SHB: variants seen among roughly 807,000 people sequenced by gnomAD.
The protein encoded by SHB is SH2 domain-containing adapter protein B.
A neutral mutation model predicts 52.3 loss-of-function variants in SHB; 20 were observed. That is an observed-to-expected ratio of 0.38 (90% CI 0.27 to 0.56). SHB has a LOEUF of 0.56. Among genes scored for constraint, SHB ranks in the 20% least tolerant of loss-of-function variants. The probability of loss-of-function intolerance (pLI) is 0.71; values close to 1 mark genes in which losing one functional copy is unlikely to be tolerated. For missense variants in SHB, 825 were observed against 723.3 expected (o/e 1.14, Z -1.61); for synonymous variants, 397 against 316.5 (o/e 1.25, Z -2.70).
At chr9:38,004,670 C>T (rs1259551290) in intron 2 of SHB, among the ~76,000 whole-genome samples, 1 of 152,220 alleles carries the variant, frequency 6.6e-6, no homozygotes. Flanking sequence ...CTTGGAAGGC[C>T]CCCGACCTGG....
chr9:37,994,800 GT>G (rs933177745), intron 2 of SHB, among the ~76,000 whole-genome samples: 5 of 150,912 alleles, frequency 3.3e-5, no homozygotes, highest in African/African-American at 9.7e-5. Context: ...AAGACTTCTC[GT>G]TTTTTTTTCT....
chr9:37,919,443 A>C lies in SHB; in HGVS notation c.*378T>G. 5.0e-6 allele frequency: 1 copy of C among 199,800 alleles called. No homozygotes were observed. The highest frequency in any genetic ancestry group is 1.3e-4 in the East Asian group (1 of 7,602). 12.4% of individuals were successfully genotyped at this position (199,800 alleles called of 1,614,324 possible). A position where few individuals can be genotyped will look rare whatever the true frequency, so the allele number is the denominator to read the frequency against. On this transcript the variant is annotated 3_prime_UTR_variant, in exon 6 of 6. Coordinates refer to ENST00000377707, the MANE Select transcript of SHB (RefSeq NM_003028.3). ...AAACTTTGCCCTGTACAGAGGTGTG[A>C]ATTTGAGACAGCTGGAGAACAAAGA...
intron 3 of SHB, among the ~76,000 whole-genome samples, chr9:37,963,666 C>A (rs1316330279): frequency 1.3e-5 from 2 of 152,044 alleles, no homozygotes; most frequent in Non-Finnish European, 2.9e-5. Context: ...AGGTGGAGAG[C>A]CCAGAAGGCA....
At chr9:37,981,024 T>C (rs1820717552) in intron 2 of SHB, among the ~76,000 whole-genome samples, 1 of 152,244 alleles carries the variant, frequency 6.6e-6, no homozygotes, top group Admixed American at 6.5e-5. Context: ...GCATAATTCT[T>C]AAGGGCTCCA....
chr9:37,921,711 A>C (rs1832182411), intron 5 of SHB, among the ~76,000 whole-genome samples: 1 of 152,264 alleles, frequency 6.6e-6, no homozygotes, highest in East Asian at 1.9e-4. Context: ...TCTGAGAAGC[A>C]GGCGGCGCAC....
At chr9:37,948,549 G>C in intron 5 of SHB, 86 bp downstream of exon 5, 1 of 1,532,972 alleles carries the variant, frequency 6.5e-7, no homozygotes, top group Non-Finnish European at 8.9e-7. Context: ...GGGGACACTG[G>C]CGGGTTTTTC....
In SHB at chr9:38,068,311, A is replaced by C. The variant is rs746256744; in HGVS notation, c.335T>G (p.Leu112Arg). ...SLRKLRAMCRLDYCGGSGEPG... is the reference protein window; with the variant it reads ...SLRKLRAMCRRDYCGGSGEPG... ...CTCCCCGCTGCCGCCGCAGTAGTCCAGGCGGCACATGGCGCGCAGTTTGCG... is the reference window on the plus strand; with the variant it reads ...CTCCCCGCTGCCGCCGCAGTAGTCCCGGCGGCACATGGCGCGCAGTTTGCG... Residue 112 changes from leucine (L) to arginine (R), a missense_variant, in exon 1 of 6, where the codon CTG (leucine) becomes CGG (arginine). By Grantham distance (102) the Leu-to-Arg change is moderately radical. Coordinates refer to ENST00000377707, the MANE Select transcript of SHB (RefSeq NM_003028.3). 33 of 1,520,730 alleles carry C rather than the reference A, an allele frequency of 2.2e-5. No individual in the cohort carries two copies. The highest frequency in any genetic ancestry group is 2.8e-5 in the Non-Finnish European group (32 of 1,139,688). The allele number at this position is 1,520,730 out of a possible 1,614,324, so 94.2% of individuals were successfully genotyped here. A position where few individuals can be genotyped will look rare whatever the true frequency, so the allele number is the denominator to read the frequency against.
At chr9:37,966,507 G>T (rs1028891850) in intron 3 of SHB, among the ~76,000 whole-genome samples, 2 of 152,130 alleles carry the variant, frequency 1.3e-5, no homozygotes, top group Non-Finnish European at 2.9e-5. Context: ...AGTGATCCCC[G>T]TTCTCTCACT....
At chr9:37,932,038 T>C (rs762602697) in intron 5 of SHB, among the ~76,000 whole-genome samples, 13 of 151,986 alleles carry the variant, frequency 8.6e-5, no homozygotes, top group Non-Finnish European at 1.8e-4. Flanking sequence ...TCCCAGCACT[T>C]TGGGAGGCCA....
In SHB at chr9:38,026,762, C is replaced by T. The variant is rs80165116; in HGVS notation, c.718-10631G>A. On this transcript the variant is annotated intron_variant, in intron 1 of 5. Transcript: ENST00000377707. The stretch of plus-strand genomic sequence containing the variant: ...AGGCCTGTTTCTCACATGTACTCGG[C>T]GCTTTCTAATGTACAGGAAACTTAG... 3.7e-3 allele frequency among the ~76,000 whole-genome samples: 562 copies of T among 152,340 alleles called. 4 individuals are homozygous for T. Among genetic ancestry groups the T allele is most frequent in the African/African-American group, 0.013 (537 of 41,574 alleles).
intron 5 of SHB, among the ~76,000 whole-genome samples, chr9:37,920,960 C>A (rs961262506): frequency 6.6e-6 from 1 of 152,126 alleles, no homozygotes; most frequent in Non-Finnish European, 1.5e-5. Flanking sequence ...CATCAGCTCA[C>A]GAGGGCCAAA....
chr9:38,065,859 T>C (rs1044386457), intron 1 of SHB, among the ~76,000 whole-genome samples: 1 of 152,176 alleles, frequency 6.6e-6, no homozygotes, highest in Admixed American at 6.5e-5. Context: ...TCACCTGCAG[T>C]TCCCTGAAGC....
intron 2 of SHB, among the ~76,000 whole-genome samples, chr9:37,998,124 G>A (rs951196037): frequency 5.9e-5 from 9 of 151,954 alleles, no homozygotes; most frequent in Non-Finnish European, 1.0e-4. Flanking sequence ...AAAGGGGAGC[G>A]CGACGGGGAT....
chr9:38,000,140 G>C lies in SHB; in HGVS notation c.838+15871C>G, dbSNP rs577514358. ...AGAACGGATGTCCATCCCTCCCACA[G>C]GCAGTGGAGAGAGAAAAGAGAGGGA... On this transcript the variant is annotated intron_variant, in intron 2 of 5. Coordinates refer to ENST00000377707, the MANE Select transcript of SHB (RefSeq NM_003028.3). 3.3e-5 allele frequency among the ~76,000 whole-genome samples: 5 copies of C among 152,334 alleles called. No individual in the cohort carries two copies. In the South Asian group the frequency reaches 8.3e-4, roughly 25 times the overall value.
intron 2 of SHB, among the ~76,000 whole-genome samples, chr9:38,014,537 G>A (rs1269378598): frequency 6.6e-6 from 1 of 152,244 alleles, no homozygotes; most frequent in Non-Finnish European, 1.5e-5. Flanking sequence ...CCTTCCCTCA[G>A]GACCCCAGAT....
At chr9:38,012,300 C>T (rs1352039503) in intron 2 of SHB, among the ~76,000 whole-genome samples, 3 of 152,190 alleles carry the variant, frequency 2.0e-5, no homozygotes, top group Non-Finnish European at 4.4e-5. Context: ...ATGGTTCAAA[C>T]AGGCTAGGAA....
chr9:38,040,520 CCT>C (rs1478367951), intron 1 of SHB, among the ~76,000 whole-genome samples: 2 of 152,186 alleles, frequency 1.3e-5, no homozygotes, highest in African/African-American at 4.8e-5. Flanking sequence ...AAGAGCTACC[CCT>C]GTCCCCAGCC....
intron 5 of SHB, among the ~76,000 whole-genome samples, chr9:37,939,020 A>T (rs1297123002): frequency 6.7e-6 from 1 of 150,356 alleles, no homozygotes; most frequent in Non-Finnish European, 1.5e-5. Context: ...TTGACTCCTC[A>T]CTCCTCCTCC....
rs909692228 is a variant in SHB, at chr9:37,919,341, C to T, written c.*480G>A. 1.9e-5 allele frequency: 3 copies of T among 161,828 alleles called. No individual in the cohort carries two copies. Among genetic ancestry groups the T allele is most frequent in the East Asian group, 1.8e-4 (1 of 5,560 alleles). 10.0% of individuals were successfully genotyped at this position (161,828 alleles called of 1,614,324 possible). ...GACACACATATACACACCAGCGGGGCGGGAACCCCGGGGCCTCCGGGACTC... is the reference window on the plus strand; with the variant it reads ...GACACACATATACACACCAGCGGGGTGGGAACCCCGGGGCCTCCGGGACTC... On this transcript the variant is annotated 3_prime_UTR_variant, in exon 6 of 6. Transcript: ENST00000377707.
Sources: allele counts gnomAD v4.1 joint callset (sites outside exome capture counted in the v4.1 genomes callset), GRCh38; gene constraint gnomAD v4.1.1; transcripts MANE v1.5; gene names NCBI Gene and HGNC (gene_info 2026-07-23, HGNC 2026-07-21).